NELFB: variants seen among roughly 807,000 people sequenced by gnomAD.
The protein encoded by NELFB is negative elongation factor B.
In NELFB, 34 loss-of-function variants were observed where a neutral mutation model predicts 60.2. That is an observed-to-expected ratio of 0.56 (90% CI 0.43 to 0.75). The LOEUF (loss-of-function observed/expected upper bound fraction) is 0.75. Among genes scored for constraint, NELFB ranks in the 30% least tolerant of loss-of-function variants. NELFB has a pLI of 0.00. For missense variants in NELFB, 770 were observed against 831.6 expected (o/e 0.93, Z 0.91); for synonymous variants, 459 against 382.1 (o/e 1.20, Z -2.35).
Position 137,273,013 on chromosome 9 carries a change from C to G in NELFB, c.*85C>G. 1 of 1,376,692 alleles carries G rather than the reference C, an allele frequency of 7.3e-7. No homozygotes were observed. Among genetic ancestry groups the G allele is most frequent in the Non-Finnish European group, 9.6e-7 (1 of 1,037,030 alleles). The allele number at this position is 1,376,692 out of a possible 1,614,324, so 85.3% of individuals were successfully genotyped here. ...GAAGAGGCTCCCGGACCTGGATGTA[C>G]AGGGCAGTCTCTCTTCCCGGGGCTA... On this transcript the variant is annotated 3_prime_UTR_variant, in exon 13 of 13. Transcript: ENST00000343053.
chr9:137,264,172 CTG>C, intron 5 of NELFB, 71 bp from the exon 6 acceptor site: 7 of 1,150,994 alleles, frequency 6.1e-6, no homozygotes, highest in Non-Finnish European at 8.8e-6. Flanking sequence ...GGGCCTGGAG[CTG>C]TGTTTGGGGC....
chr9:137,271,446 C>G (rs567408804), intron 10 of NELFB, among the ~76,000 whole-genome samples: 32 of 152,388 alleles, frequency 2.1e-4, no homozygotes, highest in Non-Finnish European at 1.5e-5. Context: ...CCCTCCCTCC[C>G]TGCAGGGGCC....
chr9:137,263,918 G>A (rs1830487274), intron 5 of NELFB, among the ~76,000 whole-genome samples: 1 of 152,198 alleles, frequency 6.6e-6, no homozygotes, highest in Non-Finnish European at 1.5e-5. Context: ...CTCCAGCCCT[G>A]AGACCATCTT....
chr9:137,256,293 G>A, intron 2 of NELFB, 36 bp from the exon 3 acceptor site: 3 of 1,577,992 alleles, frequency 1.9e-6, no homozygotes, highest in African/African-American at 2.7e-5. Flanking sequence ...GCGATTTGGC[G>A]CATCGCTGCA....
intron 6 of NELFB, among the ~76,000 whole-genome samples, 200 bp from the exon 7 acceptor site, chr9:137,265,677 G>A (rs939122823): frequency 1.6e-5 from 2 of 123,728 alleles, no homozygotes; most frequent in African/African-American, 5.4e-5. Flanking sequence ...CTGAGCCGCC[G>A]CGCCCGGCCT....
chr9:137,265,901 C>T lies in NELFB; in HGVS notation c.1065C>T (p.Asp355=). ...GGGACCTGTCCATGATCCTGTGTGACCCCTTCGCCATCAACACGCTGGCAC... is the reference window on the plus strand; with the variant it reads ...GGGACCTGTCCATGATCCTGTGTGATCCCTTCGCCATCAACACGCTGGCAC... Residue 355 remains aspartate (D), a synonymous_variant, in exon 7 of 13, where the codon GAC becomes GAT. Coordinates refer to ENST00000343053, the MANE Select transcript of NELFB (RefSeq NM_015456.5). 1 of 1,613,098 alleles carries T rather than the reference C, an allele frequency of 6.2e-7. No homozygotes were observed. Among genetic ancestry groups the T allele is most frequent in the Non-Finnish European group, 8.5e-7 (1 of 1,179,810 alleles).
chr9:137,255,379 A>C lies in NELFB; in HGVS notation c.14A>C (p.Glu5Ala), dbSNP rs2131471330. The change falls in exon 1 of 13, where the codon GAG (glutamate) becomes GCG (alanine). Residue 5 changes from glutamate (E) to alanine (A), a missense_variant. Coordinates refer to ENST00000343053, the MANE Select transcript of NELFB (RefSeq NM_015456.5). Reference sequence around the variant, plus strand: ...GGCGGGCGGGACCTGGCCGAGCTGGAGGGCGCCGGGGAGCGGGGCTCGGGC... The same window carrying C: ...GGCGGGCGGGACCTGGCCGAGCTGGCGGGCGCCGGGGAGCGGGGCTCGGGC... The C allele has an allele frequency of 1.6e-6, 1 of 616,572 alleles. No individual in the cohort carries two copies. Among genetic ancestry groups the C allele is most frequent in the Non-Finnish European group, 2.3e-6 (1 of 427,432 alleles). The allele number at this position is 616,572 out of a possible 1,614,324, so 38.2% of individuals were successfully genotyped here. A position where few individuals can be genotyped will look rare whatever the true frequency, so the allele number is the denominator to read the frequency against.
intron 4 of NELFB, among the ~76,000 whole-genome samples, chr9:137,261,996 G>GAGA (rs1830452853): frequency 9.0e-6 from 1 of 110,662 alleles, no homozygotes; most frequent in South Asian, 3.1e-4. Flanking sequence ...AGAGAGAGAG[G>GAGA]AGAGAGAGAA....
chr9:137,265,473 C>T (rs1022235565), intron 6 of NELFB, among the ~76,000 whole-genome samples: 1 of 138,270 alleles, frequency 7.2e-6, no homozygotes, highest in East Asian at 2.2e-4. Flanking sequence ...ACTGCAAGCT[C>T]TGCCTCCCGG....
chr9:137,270,902 G>T (rs1420962648), intron 10 of NELFB, among the ~76,000 whole-genome samples: 2 of 152,270 alleles, frequency 1.3e-5, no homozygotes, highest in African/African-American at 2.4e-5. Flanking sequence ...CTGGCTAACA[G>T]AGTGAGACTC....
chr9:137,272,693 GT>G, intron 12 of NELFB, 78 bp downstream of exon 12: 1 of 1,527,006 alleles, frequency 6.5e-7, no homozygotes, highest in Non-Finnish European at 8.8e-7. Flanking sequence ...TGCCCTTGTG[GT>G]GCTTGTGTGT....
At chr9:137,256,686 C>A in intron 3 of NELFB, 138 bp from the exon 4 acceptor site, 1 of 812,378 alleles carries the variant, frequency 1.2e-6, no homozygotes. Context: ...ATGCTGGGGC[C>A]GGGGAACCAG....
In NELFB at chr9:137,272,898, C is replaced by A; in HGVS notation, c.1857C>A (p.Leu619=). Residue 619 remains leucine, a synonymous_variant, in exon 13 of 13, where the codon CTC becomes CTA. Coordinates refer to ENST00000343053, the MANE Select transcript of NELFB (RefSeq NM_015456.5). ...AGACGCCGGCCCTGGAGCTGCCCCT[C>A]CCCAGCGTGCCCGCCCCTGCCCCGC... The A allele has an allele frequency of 6.5e-7, 1 of 1,543,376 alleles. No homozygotes were observed. The highest frequency in any genetic ancestry group is 8.7e-7 in the Non-Finnish European group (1 of 1,143,078).
rs1830474173 is a variant in NELFB at position 137,263,134 on chromosome 9, T to C, written c.839T>C (p.Val280Ala). 6.2e-7 allele frequency: 1 copy of C among 1,613,978 alleles called. No homozygotes were observed. Among genetic ancestry groups the C allele is most frequent in the Admixed American group, 1.7e-5 (1 of 60,010 alleles). Residue 280 changes from valine to alanine, a missense_variant, in exon 5 of 13, where the codon GTG becomes GCG. Transcript: ENST00000343053. Reference sequence around the variant, plus strand: ...ACGCTCTTCCTGCGCACGCGGAATGTGCACTACTGCACGCTGCGGGCTGAG... The same window carrying C: ...ACGCTCTTCCTGCGCACGCGGAATGCGCACTACTGCACGCTGCGGGCTGAG...
In NELFB at chr9:137,273,302, C is replaced by T. The variant is rs1355638417; in HGVS notation, c.*374C>T. ...CGAAAGCGAGGCACACTGCTTACTG[C>T]CTTGGGGTTGTGGAGATGGACCCGT... On this transcript the variant is annotated 3_prime_UTR_variant, in exon 13 of 13. Transcript: ENST00000343053. The T allele has an allele frequency of 1.0e-5, 2 of 198,066 alleles. No individual in the cohort carries two copies. Among genetic ancestry groups the T allele is most frequent in the Admixed American group, 5.5e-5 (1 of 18,268 alleles). 12.3% of individuals were successfully genotyped at this position (198,066 alleles called of 1,614,324 possible). A position where few individuals can be genotyped will look rare whatever the true frequency, so the allele number is the denominator to read the frequency against.
rs1380172802 is a variant in NELFB at position 137,262,747 on chromosome 9, C to T, written c.742-290C>T. Among the ~76,000 whole-genome samples the T allele has an allele frequency of 2.0e-5, 3 of 152,280 alleles. No homozygotes were observed. The East Asian group carries it at 5.8e-4, about 29-fold the overall frequency. On this transcript the variant is annotated intron_variant, in intron 4 of 12. Transcript: ENST00000343053. ...TTGGGAGGCTGAGGCAGGAGGATCA[C>T]TTGAGCCAGGAGGTCAAGGCTGCAG...
At chr9:137,255,722 A>G in intron 1 of NELFB, 111 bp downstream of exon 1, 1 of 1,423,484 alleles carries the variant, frequency 7.0e-7, no homozygotes, top group South Asian at 1.3e-5. Flanking sequence ...CTGGTGGCTG[A>G]GTCCTGTTCT....
intron 4 of NELFB, among the ~76,000 whole-genome samples, chr9:137,259,231 C>T (rs529244530): frequency 2.0e-5 from 3 of 152,142 alleles, no homozygotes; most frequent in South Asian, 2.1e-4. Flanking sequence ...ATGCTTTTTG[C>T]GGGAGGATCA....
intron 4 of NELFB, among the ~76,000 whole-genome samples, chr9:137,258,983 C>T (rs556255788): frequency 6.6e-6 from 1 of 152,134 alleles, no homozygotes; most frequent in African/African-American, 2.4e-5. Context: ...GTGGGAGGAT[C>T]GCTTGAGCTT....
Sources: allele counts gnomAD v4.1 joint callset (sites outside exome capture counted in the v4.1 genomes callset), GRCh38; gene constraint gnomAD v4.1.1; transcripts MANE v1.5; gene names NCBI Gene and HGNC (gene_info 2026-07-23, HGNC 2026-07-21).